Variants in ALK observed in about 807,000 individuals in gnomAD.
The protein encoded by ALK is ALK receptor tyrosine kinase, also known as ALK tyrosine kinase receptor.
Under a neutral mutation model 163.1 loss-of-function variants are expected in ALK, and 74 were observed. The observed-to-expected ratio is 0.45, with a 90% confidence interval of 0.38 to 0.55. The LOEUF (loss-of-function observed/expected upper bound fraction) is 0.55, where lower values mean the gene tolerates loss of function less well. ALK is among the 20% of genes least tolerant of loss of function. ALK has a pLI of 0.00. For synonymous variants in ALK, 960 were observed against 843.2 expected, an observed-to-expected ratio of 1.14 and a Z score of -2.40; for missense variants, 2,063 against 2,105.3, an observed-to-expected ratio of 0.98 and a Z score of 0.39.
rs1665285029 is a variant in ALK at position 29,829,042 on chromosome 2, A to C, written c.667+90951T>G. On this transcript the variant is annotated intron_variant, in intron 1 of 28. Transcript: ENST00000389048. ...GGCATGGATGAAGCTGGAAACCATC[A>C]TTCTCAGCAAACTATCGCAAGGACA... is the stretch of plus-strand genomic sequence containing the variant. Among the ~76,000 whole-genome samples the C allele has an allele frequency of 2.6e-5, 4 of 151,692 alleles. No homozygotes were observed. The South Asian group carries it at 8.4e-4, about 32-fold the overall frequency.
At chr2:29,651,948 C>T (rs961193101) in intron 3 of ALK, among the ~76,000 whole-genome samples, 2 of 151,972 alleles carry the variant, frequency 1.3e-5, no homozygotes, top group South Asian at 2.1e-4. Flanking sequence ...CTATAGGCCT[C>T]GAGTGTACAG....
chr2:29,901,647 C>A (rs1667416683), intron 1 of ALK, among the ~76,000 whole-genome samples: 1 of 152,194 alleles, frequency 6.6e-6, no homozygotes, highest in Admixed American at 6.5e-5. Context: ...AATCAAACAA[C>A]AGGGCTGTCC....
intron 2 of ALK, 23 bp from the exon 3 acceptor site, chr2:29,695,037 A>G (rs1490451207): frequency 6.2e-7 from 1 of 1,613,932 alleles, no homozygotes; most frequent in African/African-American, 1.3e-5. Flanking sequence ...CCAAGGGTCA[A>G]TGGAAAAAAC....
intron 16 of ALK, 128 bp downstream of exon 16, chr2:29,228,756 G>A: frequency 1.4e-6 from 1 of 696,002 alleles, no homozygotes. Context: ...TCGAGAGGGA[G>A]GCGTGCAGTC....
rs1365620880 is a variant in ALK, at chr2:29,920,452, C to G, written c.208G>C (p.Asp70His). The G allele has an allele frequency of 6.2e-7, 1 of 1,611,288 alleles. No individual in the cohort carries two copies. The highest frequency in any genetic ancestry group is 8.5e-7 in the Non-Finnish European group (1 of 1,179,044). ...GAGGAGGATGGTGGCAGCAGTAGGT[C>G]CCGGGCGTAGACACGGAAGAGCGAG... Reference protein sequence around the residue: ...VPSLFRVYARDLLLPPSSSEL... With the variant: ...VPSLFRVYARHLLLPPSSSEL... The change falls in exon 1 of 29, where the codon GAC becomes CAC. Residue 70 changes from aspartate to histidine, a missense_variant. Physicochemically the swap from Asp to His is moderately conservative, Grantham distance 81 (BLOSUM62 -1). Coordinates refer to ENST00000389048, the MANE Select transcript of ALK (RefSeq NM_004304.5).
intron 1 of ALK, among the ~76,000 whole-genome samples, chr2:29,754,680 A>G (rs1476607790): frequency 6.6e-6 from 1 of 151,874 alleles, no homozygotes; most frequent in Non-Finnish European, 1.5e-5. Context: ...ACAGAGCAAG[A>G]CCCTGTCTCA....
chr2:29,848,453 A>T (rs1304281102), intron 1 of ALK, among the ~76,000 whole-genome samples: 2 of 151,900 alleles, frequency 1.3e-5, no homozygotes, highest in South Asian at 2.1e-4. Context: ...TAACCATACC[A>T]CCTTCAAGGT....
In ALK at chr2:29,397,907, C is replaced by G. The variant is rs535564560; in HGVS notation, c.1155-14048G>C. Among the ~76,000 whole-genome samples, 3 of 152,352 alleles carry G rather than the reference C, an allele frequency of 2.0e-5. No individual in the cohort carries two copies. In the East Asian group the frequency reaches 5.8e-4, roughly 29 times the overall value. ...CTAATGGAATTTGGAATTCAGAATT[C>G]AGGCCTCTGCTGTATCAGCCATATG... On this transcript the variant is annotated intron_variant, in intron 4 of 28. Coordinates refer to ENST00000389048, the MANE Select transcript of ALK (RefSeq NM_004304.5).
intron 9 of ALK, among the ~76,000 whole-genome samples, chr2:29,276,069 G>A (rs188414497): frequency 1.3e-4 from 20 of 152,274 alleles, no homozygotes; most frequent in African/African-American, 4.8e-4. Context: ...CAGGCAACTG[G>A]CTCCTTCCCT....
intron 3 of ALK, among the ~76,000 whole-genome samples, chr2:29,575,087 G>A (rs1325990327): frequency 7.9e-5 from 12 of 152,228 alleles, no homozygotes; most frequent in African/African-American, 2.4e-4. Context: ...TTGCCTCAAC[G>A]TTGTATGCTG....
intron 3 of ALK, among the ~76,000 whole-genome samples, chr2:29,691,751 T>A (rs1486109833): frequency 6.6e-6 from 1 of 152,198 alleles, no homozygotes; most frequent in Non-Finnish European, 1.5e-5. Flanking sequence ...ATGTCAGCGA[T>A]CACAGGTGGA....
intron 1 of ALK, among the ~76,000 whole-genome samples, chr2:29,881,128 T>C (rs1462299720): frequency 6.6e-6 from 1 of 152,178 alleles, no homozygotes. Flanking sequence ...GCAAATTGTA[T>C]GGAACAGAGA....
At chr2:29,804,919 G>T (rs1664569459) in intron 1 of ALK, among the ~76,000 whole-genome samples, 1 of 152,134 alleles carries the variant, frequency 6.6e-6, no homozygotes, top group Non-Finnish European at 1.5e-5. Context: ...TGCGTTGATT[G>T]TCCTACACAT....
rs1461042363 is a variant in ALK at position 29,215,690 on chromosome 2, A to G, written c.3646-1609T>C. 1.2e-4 allele frequency among the ~76,000 whole-genome samples: 4 copies of G among 34,568 alleles called. No homozygotes were observed. The East Asian group carries it at 3.4e-3, about 29-fold the overall frequency. The allele number at this position is 34,568 out of a possible 152,430, so 22.7% of individuals were successfully genotyped here. On this transcript the variant is annotated intron_variant, in intron 23 of 28. Transcript: ENST00000389048. The stretch of plus-strand genomic sequence containing the variant: ...TTAAAATGGAAGAGAGAGTGCCTGA[A>G]GGGGGTTGGAGCGTATGTATGTGAC...
intron 1 of ALK, among the ~76,000 whole-genome samples, chr2:29,752,849 A>G (rs2148332007): frequency 6.6e-6 from 1 of 152,294 alleles, no homozygotes; most frequent in South Asian, 2.1e-4. Context: ...TCAAGGAGCG[A>G]AAGGACTCAC....
Position 29,920,147 on chromosome 2 carries a change from G to T in ALK, c.513C>A (p.Ser171Arg), listed in dbSNP as rs534035801. 1 of 1,613,830 alleles carries T rather than the reference G, an allele frequency of 6.2e-7. No individual in the cohort carries two copies. Among genetic ancestry groups the T allele is most frequent in the South Asian group, 1.1e-5 (1 of 91,084 alleles). The change falls in exon 1 of 29, where the codon AGC (serine) becomes AGA (arginine). Residue 171 changes from serine to arginine, a missense_variant. Coordinates refer to ENST00000389048, the MANE Select transcript of ALK (RefSeq NM_004304.5). Reference protein sequence around the residue: ...AAVGLLQFNLSELFSWWIRQG... With the variant: ...AAVGLLQFNLRELFSWWIRQG... The stretch of plus-strand genomic sequence containing the variant: ...GGCGAATCCACCAACTGAACAGCTC[G>T]CTGAGATTGAACTGGAGCAGCCCCA...
At chr2:29,561,349 C>T (rs1674017757) in intron 3 of ALK, among the ~76,000 whole-genome samples, 1 of 152,096 alleles carries the variant, frequency 6.6e-6, no homozygotes, top group Admixed American at 6.6e-5. Context: ...CCAGAAGATG[C>T]TAAAAAAGGG....
intron 5 of ALK, among the ~76,000 whole-genome samples, chr2:29,375,355 G>C (rs952894530): frequency 6.6e-6 from 1 of 152,064 alleles, no homozygotes; most frequent in Admixed American, 6.5e-5. Context: ...GAGTCTCGCT[G>C]TCTCCCAGGC....
intron 4 of ALK, among the ~76,000 whole-genome samples, chr2:29,493,969 G>A (rs1671963864): frequency 6.6e-6 from 1 of 152,218 alleles, no homozygotes; most frequent in Admixed American, 6.5e-5. Context: ...ACACAGTGGG[G>A]TGGATGCAGA....
Sources: gnomAD v4.1 joint callset for allele counts (sites outside exome capture counted in the v4.1 genomes callset) on GRCh38, gnomAD v4.1.1 for gene constraint, MANE v1.5 for transcripts, NCBI Gene and HGNC (gene_info 2026-07-23, HGNC 2026-07-21) for gene names.